The following SULT1B1 variants were observed in gnomAD, a reference collection of about 807,000 sequenced individuals.
The protein encoded by SULT1B1 is sulfotransferase family 1B member 1.
A neutral mutation model predicts 34.6 loss-of-function variants in SULT1B1; 28 were observed. That is an observed-to-expected ratio of 0.81 (90% CI 0.60 to 1.11). The LOEUF (loss-of-function observed/expected upper bound fraction) is 1.11. SULT1B1 is among the 50% of genes least tolerant of loss of function. The pLI is 0.00. For synonymous variants in SULT1B1, 147 were observed against 110.2 expected (o/e 1.33, Z -2.09); for missense variants, 374 against 352.2 (o/e 1.06, Z -0.50).
At chr4:69,741,237 T>C (rs530143246) in intron 4 of SULT1B1, among the ~76,000 whole-genome samples, 1 of 152,348 alleles carries the variant, frequency 6.6e-6, no homozygotes, top group South Asian at 2.1e-4. Context: ...ACCTGTTCCA[T>C]TGGTATATGT....
rs1345140306 is a variant in SULT1B1, at chr4:69,726,005, G to C, written c.*1083C>G. 1.8e-5 allele frequency: 2 copies of C among 111,218 alleles called. 1 individual carries two copies. Among genetic ancestry groups the C allele is most frequent in the South Asian group, 6.2e-4 (2 of 3,208 alleles). 6.9% of individuals were successfully genotyped at this position (111,218 alleles called of 1,614,324 possible). ...CCTGCACATTGTGCACATGTAACCT[G>C]GAACTTAAAGTATAATAATAAAATG... On this transcript the variant is annotated 3_prime_UTR_variant, in exon 8 of 8. Transcript: ENST00000310613.
chr4:69,747,791 G>A (rs1560528479), intron 4 of SULT1B1, among the ~76,000 whole-genome samples: 4 of 152,080 alleles, frequency 2.6e-5, no homozygotes, highest in African/African-American at 9.7e-5. Context: ...TTCCATGTCT[G>A]TTTCACTCAC....
intron 4 of SULT1B1, among the ~76,000 whole-genome samples, chr4:69,742,575 T>C (rs973831773): frequency 2.0e-5 from 3 of 152,222 alleles, no homozygotes; most frequent in African/African-American, 7.2e-5. Context: ...ATGATTTAAA[T>C]TTATGGGGGT....
intron 4 of SULT1B1, among the ~76,000 whole-genome samples, chr4:69,745,144 C>A (rs1338333991): frequency 2.0e-5 from 3 of 151,978 alleles, no homozygotes; most frequent in Non-Finnish European, 4.4e-5. Context: ...TGCTTTATGG[C>A]TGAGTAAAGC....
chr4:69,724,055 T>C lies in SULT1B1; in HGVS notation c.*3033A>G, dbSNP rs1276050309. On this transcript the variant is annotated 3_prime_UTR_variant, in exon 8 of 8. Transcript: ENST00000310613. ...TCAGGCAGGAGAAAGAAATAAAGGG[T>C]ATTCAATTAGGAGAAGAGGAAGTCA... 2 of 152,116 alleles carry C rather than the reference T, an allele frequency of 1.3e-5. No homozygotes were observed. The highest frequency in any genetic ancestry group is 4.8e-5 in the African/African-American group (2 of 41,410). The allele number at this position is 152,116 out of a possible 1,614,324, so 9.4% of individuals were successfully genotyped here. A position where few individuals can be genotyped will look rare whatever the true frequency, so the allele number is the denominator to read the frequency against.
chr4:69,742,813 A>G (rs1008175701), intron 4 of SULT1B1, among the ~76,000 whole-genome samples: 3 of 152,210 alleles, frequency 2.0e-5, no homozygotes, highest in Non-Finnish European at 4.4e-5. Flanking sequence ...TAGTCTGGCC[A>G]TTGCGCAGAG....
At chr4:69,747,619 C>T (rs908167712) in intron 4 of SULT1B1, among the ~76,000 whole-genome samples, 1 of 152,218 alleles carries the variant, frequency 6.6e-6, no homozygotes, top group African/African-American at 2.4e-5. Context: ...TGGCCATGTT[C>T]CACTGCAGCT....
intron 3 of SULT1B1, among the ~76,000 whole-genome samples, chr4:69,751,442 G>A (rs1718976671): frequency 6.6e-6 from 1 of 152,070 alleles, no homozygotes; most frequent in African/African-American, 2.4e-5. Flanking sequence ...CCACATTCAG[G>A]CTCTGGAGTT....
Position 69,724,106 on chromosome 4 carries a change from G to C in SULT1B1, c.*2982C>G, listed in dbSNP as rs1177151303. 2 of 152,188 alleles carry C rather than the reference G, an allele frequency of 1.3e-5. No homozygotes were observed. The highest frequency in any genetic ancestry group is 1.3e-4 in the Admixed American group (2 of 15,280). The allele number at this position is 152,188 out of a possible 1,614,324, so 9.4% of individuals were successfully genotyped here. On this transcript the variant is annotated 3_prime_UTR_variant, in exon 8 of 8. Transcript: ENST00000310613. ...AATTGTCCCTGTTTGCAGATGACAT[G>C]ATTGTATATGTAGAAAACCCCATTG...
intron 4 of SULT1B1, among the ~76,000 whole-genome samples, chr4:69,737,964 T>C (rs1404118154): frequency 6.6e-6 from 1 of 152,102 alleles, no homozygotes; most frequent in Non-Finnish European, 1.5e-5. Flanking sequence ...GTCACCCAGG[T>C]AGTGAGCATA....
chr4:69,743,835 T>C (rs1157146196), intron 4 of SULT1B1, among the ~76,000 whole-genome samples: 1 of 152,020 alleles, frequency 6.6e-6, no homozygotes, highest in East Asian at 1.9e-4. Flanking sequence ...GGCCAGATAG[T>C]GGGAGCAGAC....
chr4:69,736,161 C>A (rs1718301863), intron 4 of SULT1B1, among the ~76,000 whole-genome samples: 1 of 152,166 alleles, frequency 6.6e-6, no homozygotes, highest in Non-Finnish European at 1.5e-5. Flanking sequence ...AGCATATAGA[C>A]CAATCCTATC....
intron 4 of SULT1B1, among the ~76,000 whole-genome samples, chr4:69,745,755 T>G (rs1161147169): frequency 6.6e-6 from 1 of 151,558 alleles, no homozygotes; most frequent in African/African-American, 2.4e-5. Flanking sequence ...GTAATTGTGC[T>G]GTCAGATGGT....
Position 69,727,206 on chromosome 4 carries a change from G to T in SULT1B1, c.779-6C>A. 2 of 1,593,044 alleles carry T rather than the reference G, an allele frequency of 1.3e-6. No individual in the cohort carries two copies. Among genetic ancestry groups the T allele is most frequent in the Non-Finnish European group, 8.5e-7 (1 of 1,171,432 alleles). On this transcript the variant is annotated splice_polypyrimidine_tract_variant and splice_region_variant and intron_variant, in intron 7 of 7. Transcript: ENST00000310613. ...CTTCCAGTCACCAGCCGTCCCTAAA[G>T]GTAAATAAAAAAACATAGGAAAGAA...
rs1305092672 is a variant in SULT1B1 at position 69,745,802 on chromosome 4, G to C, written c.375+3919C>G. Among the ~76,000 whole-genome samples the C allele has an allele frequency of 7.9e-5, 12 of 152,280 alleles. No individual in the cohort carries two copies. In the East Asian group the frequency reaches 2.3e-3, roughly 29 times the overall value. On this transcript the variant is annotated intron_variant, in intron 4 of 7. Transcript: ENST00000310613. ...CTTGATTATGTAATTGATTTATAGTGTTAATGTTCTGTGTATTTAGGTATG... is the reference window on the plus strand; with the variant it reads ...CTTGATTATGTAATTGATTTATAGTCTTAATGTTCTGTGTATTTAGGTATG...
chr4:69,759,586 G>A (rs866762312), intron 1 of SULT1B1, among the ~76,000 whole-genome samples: 1 of 152,156 alleles, frequency 6.6e-6, no homozygotes, highest in African/African-American at 2.4e-5. Flanking sequence ...GCATTACCTC[G>A]TCATGACCAG....
chr4:69,748,414 T>C (rs1718838947), intron 4 of SULT1B1, among the ~76,000 whole-genome samples: 1 of 152,206 alleles, frequency 6.6e-6, no homozygotes, highest in African/African-American at 2.4e-5. Context: ...AGACACATCA[T>C]TAGTCATAGT....
intron 1 of SULT1B1, among the ~76,000 whole-genome samples, chr4:69,755,646 C>T (rs1362316990): frequency 6.6e-6 from 1 of 152,122 alleles, no homozygotes; most frequent in Non-Finnish European, 1.5e-5. Context: ...GTCATTCTGA[C>T]CTTTGATTTT....
In SULT1B1 at chr4:69,725,089, A is replaced by C. The variant is rs1480750733; in HGVS notation, c.*1999T>G. ...TACCATCAGCGTGAACAGGCAACCT[A>C]CAGAATGGGAGAAAATTTTTGCAAT... On this transcript the variant is annotated 3_prime_UTR_variant, in exon 8 of 8. Transcript: ENST00000310613. 3 of 147,302 alleles carry C rather than the reference A, an allele frequency of 2.0e-5. No individual in the cohort carries two copies. Among genetic ancestry groups the C allele is most frequent in the Non-Finnish European group, 4.4e-5 (3 of 67,996 alleles). The allele number at this position is 147,302 out of a possible 1,614,324, so 9.1% of individuals were successfully genotyped here. A position where few individuals can be genotyped will look rare whatever the true frequency, so the allele number is the denominator to read the frequency against.
Sources: allele counts gnomAD v4.1 joint callset (sites outside exome capture counted in the v4.1 genomes callset), GRCh38; gene constraint gnomAD v4.1.1; transcripts MANE v1.5; gene names NCBI Gene and HGNC (gene_info 2026-07-23, HGNC 2026-07-21).